Variants in CTNNA3 observed in about 807,000 individuals in gnomAD.
CTNNA3 encodes catenin alpha 3.
CTNNA3 carries 76 observed loss-of-function variants against 95.7 expected under a neutral mutation model. The observed-to-expected ratio is 0.79, with a 90% CI of 0.66 to 0.96. CTNNA3 has a LOEUF of 0.96. CTNNA3 is among the 40% of genes least tolerant of loss of function. CTNNA3 has a pLI of 0.00. For synonymous variants in CTNNA3, 431 were observed against 374.4 expected (o/e 1.15, Z -1.74); for missense variants, 1,191 against 1,089.8 (o/e 1.09, Z -1.31).
intron 11 of CTNNA3, among the ~76,000 whole-genome samples, chr10:66,482,003 T>A (rs1839554752): frequency 6.6e-6 from 1 of 152,156 alleles, no homozygotes; most frequent in Non-Finnish European, 1.5e-5. Context: ...ATAGGGATGT[T>A]ATTTTTCATC....
intron 7 of CTNNA3, among the ~76,000 whole-genome samples, chr10:66,984,102 T>C (rs1196893084): frequency 6.6e-6 from 1 of 152,206 alleles, no homozygotes; most frequent in Non-Finnish European, 1.5e-5. Flanking sequence ...AGTAAATAGT[T>C]ATTGAGCACC....
intron 7 of CTNNA3, among the ~76,000 whole-genome samples, chr10:66,938,487 A>G (rs986822854): frequency 6.6e-6 from 1 of 152,206 alleles, no homozygotes; most frequent in African/African-American, 2.4e-5. Flanking sequence ...AAATATATTT[A>G]TTATTCATTA....
chr10:67,675,783 G>A (rs1218507242), intron 1 of CTNNA3, among the ~76,000 whole-genome samples: 1 of 152,024 alleles, frequency 6.6e-6, no homozygotes. Context: ...CACTTTATAT[G>A]GATGAATGTA....
intron 8 of CTNNA3, among the ~76,000 whole-genome samples, chr10:66,771,210 C>G (rs1326546863): frequency 6.6e-6 from 1 of 152,044 alleles, no homozygotes; most frequent in East Asian, 1.9e-4. Flanking sequence ...TTCATCTTTA[C>G]TTTGATATTT....
At chr10:67,729,099 T>A (rs566004489) in intron 1 of CTNNA3, among the ~76,000 whole-genome samples, 2 of 152,306 alleles carry the variant, frequency 1.3e-5, no homozygotes, top group African/African-American at 2.4e-5. Context: ...AAATATTAAA[T>A]GTTAAGAAGA....
At chr10:67,580,378 T>C (rs1842343080) in intron 3 of CTNNA3, among the ~76,000 whole-genome samples, 1 of 151,836 alleles carries the variant, frequency 6.6e-6, no homozygotes, top group Admixed American at 6.6e-5. Context: ...ATGTGTGTGG[T>C]ATTATTTCTG....
intron 1 of CTNNA3, chr10:67,648,832 C>T: frequency 7.9e-7 from 1 of 1,268,192 alleles, no homozygotes; most frequent in Non-Finnish European, 1.0e-6. Flanking sequence ...ATGTAAGAGA[C>T]ACGCTTCAAG....
At chr10:66,968,722 A>C (rs1387635289) in intron 7 of CTNNA3, among the ~76,000 whole-genome samples, 1 of 152,116 alleles carries the variant, frequency 6.6e-6, no homozygotes, top group Non-Finnish European at 1.5e-5. Context: ...GTTAAATTTA[A>C]ATACATATTT....
chr10:66,948,871 T>C (rs1001874949), intron 7 of CTNNA3, among the ~76,000 whole-genome samples: 1 of 152,180 alleles, frequency 6.6e-6, no homozygotes, highest in Admixed American at 6.5e-5. Context: ...TTCTTTTCAG[T>C]AAAAGAGAGG....
intron 6 of CTNNA3, among the ~76,000 whole-genome samples, chr10:67,185,892 T>C (rs1862820004): frequency 6.6e-6 from 1 of 151,854 alleles, no homozygotes; most frequent in Non-Finnish European, 1.5e-5. Context: ...TGGTGGCATG[T>C]GTCTGTAATC....
intron 11 of CTNNA3, among the ~76,000 whole-genome samples, chr10:66,495,005 G>A (rs1840053404): frequency 6.6e-6 from 1 of 152,186 alleles, no homozygotes; most frequent in Non-Finnish European, 1.5e-5. Flanking sequence ...ATTGAACGCA[G>A]AAAATGCAGA....
chr10:67,176,613 T>A (rs1208381206), intron 7 of CTNNA3, among the ~76,000 whole-genome samples: 1 of 152,172 alleles, frequency 6.6e-6, no homozygotes, highest in South Asian at 2.1e-4. Context: ...CCAGAACCTA[T>A]GAATATGTTA....
At chr10:67,320,231 CT>C (rs1232243883) in intron 5 of CTNNA3, among the ~76,000 whole-genome samples, 3 of 152,050 alleles carry the variant, frequency 2.0e-5, no homozygotes, top group Admixed American at 6.6e-5. Context: ...TCACGGCCTC[CT>C]TTAAAAATGA....
At chr10:67,703,428 T>C (rs1032442639) in intron 1 of CTNNA3, among the ~76,000 whole-genome samples, 2 of 152,052 alleles carry the variant, frequency 1.3e-5, no homozygotes, top group African/African-American at 4.8e-5. Context: ...TTATCCACCA[T>C]GATCAAGTGG....
chr10:66,182,447 G>A (rs1488182730), intron 13 of CTNNA3, among the ~76,000 whole-genome samples: 3 of 151,946 alleles, frequency 2.0e-5, no homozygotes, highest in Non-Finnish European at 4.4e-5. Context: ...AGTAGAGACG[G>A]GGTTTCACCA....
rs1477615553 is a variant in CTNNA3 at position 65,912,679 on chromosome 10, T to C, written c.*7651A>G. On this transcript the variant is annotated 3_prime_UTR_variant, in exon 18 of 18. Coordinates refer to ENST00000433211, the MANE Select transcript of CTNNA3 (RefSeq NM_013266.4). ...CAAACCCAGTGTTACATATGTGAAA[T>C]AATGCAATTAAGAGCACAACTAAAA... 1 of 152,148 alleles carries C rather than the reference T, an allele frequency of 6.6e-6. No homozygotes were observed. The highest frequency in any genetic ancestry group is 1.5e-5 in the Non-Finnish European group (1 of 68,014). 9.4% of individuals were successfully genotyped at this position (152,148 alleles called of 1,614,324 possible). A position where few individuals can be genotyped will look rare whatever the true frequency, so the allele number is the denominator to read the frequency against.
chr10:66,716,243 C>T (rs780549937), intron 9 of CTNNA3, among the ~76,000 whole-genome samples: 16 of 152,060 alleles, frequency 1.1e-4, no homozygotes, highest in Non-Finnish European at 2.1e-4. Flanking sequence ...ACCAATGAAA[C>T]ATGAACAGAT....
At chr10:66,701,331 G>C (rs938587810) in intron 9 of CTNNA3, among the ~76,000 whole-genome samples, 1 of 152,036 alleles carries the variant, frequency 6.6e-6, no homozygotes, top group South Asian at 2.1e-4. Context: ...AAGTTGTTTT[G>C]ACTATTCTAG....
At chr10:67,636,601 A>G (rs1209260982) in intron 2 of CTNNA3, among the ~76,000 whole-genome samples, 3 of 152,216 alleles carry the variant, frequency 2.0e-5, no homozygotes, top group African/African-American at 7.2e-5. Flanking sequence ...TAGTGCTGGG[A>G]GAACTGGCTA....
Sources: gnomAD v4.1 joint callset for allele counts (sites outside exome capture counted in the v4.1 genomes callset) on GRCh38, gnomAD v4.1.1 for gene constraint, MANE v1.5 for transcripts, NCBI Gene and HGNC (gene_info 2026-07-23, HGNC 2026-07-21) for gene names.